The following BCAM variants were observed in gnomAD, a reference collection of about 807,000 sequenced individuals.
BCAM encodes the protein basal cell adhesion molecule.
A neutral mutation model predicts 72.4 loss-of-function variants in BCAM; 61 were observed. The ratio of observed to expected loss-of-function variants is 0.84; its 90% CI spans 0.69 to 1.04. BCAM has a LOEUF of 1.04. Ranked by LOEUF, BCAM falls within the 50% of genes least tolerant of loss-of-function variation. The pLI, the probability that BCAM is intolerant of heterozygous loss-of-function variation, is 0.00. For synonymous variants in BCAM, 408 were observed against 384.2 expected (o/e 1.06, Z -0.73); for missense variants, 909 against 895.0 (o/e 1.02, Z -0.20).
Position 44,819,158 on chromosome 19 carries a change from A to C in BCAM, c.1439A>C (p.Asp480Ala), listed in dbSNP as rs1599889348. The change falls in exon 11 of 15, where the codon GAC (aspartate) becomes GCC (alanine). Residue 480 changes from aspartate to alanine, a missense_variant. Physicochemically the swap from Asp to Ala is moderately radical, Grantham distance 126. Transcript: ENST00000270233. ...ATCTGCTCTGCCCGCGGCCATCCAG[A>C]CCCCAAACTCAGCTGGAGCCAATTG... ...TLICSARGHP[D>A]PKLSWSQLGG... 6.2e-7 allele frequency: 1 copy of C among 1,613,894 alleles called. No homozygotes were observed.
chr19:44,809,148 C>A lies in BCAM; in HGVS notation c.24C>A (p.Ala8=), dbSNP rs908602690. MEPPDAP[A]QARGAPRLLL... Reference sequence around the variant, plus strand: ...ACATGGAGCCCCCGGACGCACCGGCCCAGGCGCGCGGGGCCCCGCGGCTGC... The same window carrying A: ...ACATGGAGCCCCCGGACGCACCGGCACAGGCGCGCGGGGCCCCGCGGCTGC... Residue 8 remains alanine (A), a synonymous_variant, in exon 1 of 15, where the codon GCC becomes GCA. Coordinates refer to ENST00000270233, the MANE Select transcript of BCAM (RefSeq NM_005581.5). The A allele has an allele frequency of 2.0e-6, 3 of 1,472,878 alleles. No individual in the cohort carries two copies. The African/African-American group carries it at 4.4e-5, about 22-fold the overall frequency. 91.2% of individuals were successfully genotyped at this position (1,472,878 alleles called of 1,614,324 possible).
In BCAM at chr19:44,818,868, C is replaced by T. The variant is rs770828608; in HGVS notation, c.1322C>T (p.Thr441Met). The change falls in exon 10 of 15, where the codon ACG (threonine) becomes ATG (methionine). Residue 441 changes from threonine (T) to methionine (M), a missense_variant. Physicochemically the swap from Thr to Met is moderately conservative, Grantham distance 81 (BLOSUM62 -1). Coordinates refer to ENST00000270233, the MANE Select transcript of BCAM (RefSeq NM_005581.5). The surrounding 1 kb of genome is among the most constrained non-coding windows in gnomAD (Gnocchi z 4.6). ...GTCCTCAGCCGCACCCAGAACTTCA[C>T]GCTGCTGGTCCAAGGTTCAGGGGGC... ...VPVLSRTQNF[T>M]LLVQGSPELK... 10 of 1,613,996 alleles carry T rather than the reference C, an allele frequency of 6.2e-6. No homozygotes were observed. The East Asian group carries it at 6.7e-5, about 11-fold the overall frequency.
At position 44,813,612 on chromosome 19, in the gene BCAM, C is replaced by T. The variant is rs1382663437; in HGVS notation, c.776C>T (p.Thr259Ile). The change falls in exon 6 of 15, where the codon ACC (threonine) becomes ATC (isoleucine). Residue 259 changes from threonine (T) to isoleucine (I), a missense_variant. Transcript: ENST00000270233. This position sits in a 1 kb window ranked among gnomAD's most constrained non-coding sequence, Gnocchi z 4.2. ...CTGGACAGCCCCACCTTCCACCTCA[C>T]CCTGCACTGTGAGTCTGTGCTGGCC... The part of the protein sequence containing the change: ...GRLDSPTFHL[T>I]LHYPTEHVQF... 1 of 1,611,998 alleles carries T rather than the reference C, an allele frequency of 6.2e-7. No individual in the cohort carries two copies.
chr19:44,821,072 G>T lies in BCAM; in HGVS notation c.*151G>T. ...TTCCTTCCTCTGCCGGCAAGGCAGG[G>T]ACCCACAGTGGCTGCCTGCCTCCGG... On this transcript the variant is annotated 3_prime_UTR_variant, in exon 15 of 15. Coordinates refer to ENST00000270233, the MANE Select transcript of BCAM (RefSeq NM_005581.5). 2 of 1,006,684 alleles carry T rather than the reference G, an allele frequency of 2.0e-6. No homozygotes were observed. The highest frequency in any genetic ancestry group is 1.3e-6 in the Non-Finnish European group (1 of 769,118). The allele number at this position is 1,006,684 out of a possible 1,614,324, so 62.4% of individuals were successfully genotyped here. A position where few individuals can be genotyped will look rare whatever the true frequency, so the allele number is the denominator to read the frequency against.
intron 14 of BCAM, 40 bp downstream of exon 14, chr19:44,820,862 T>C: frequency 1.3e-6 from 2 of 1,541,542 alleles, no homozygotes; most frequent in Non-Finnish European, 1.7e-6. Context: ...AGGGACCTGC[T>C]GGGCAGTGGA....
Position 44,818,847 on chromosome 19 carries a change from T to C in BCAM, c.1301T>C (p.Leu434Pro), listed in dbSNP as rs1472682112. 1 of 1,614,110 alleles carries C rather than the reference T, an allele frequency of 6.2e-7. No homozygotes were observed. ...GCCTCCCTGCCCACAGTCCCGGTCC[T>C]CAGCCGCACCCAGAACTTCACGCTG... The part of the protein sequence containing the change: ...CEASLPTVPV[L>P]SRTQNFTLLV... The change falls in exon 10 of 15, where the codon CTC becomes CCC. Residue 434 changes from leucine (L) to proline (P), a missense_variant. Coordinates refer to ENST00000270233, the MANE Select transcript of BCAM (RefSeq NM_005581.5). This position sits in a 1 kb window ranked among gnomAD's most constrained non-coding sequence, Gnocchi z 4.6.
rs1442572868 is a variant in BCAM at position 44,814,592 on chromosome 19, C to G, written c.922-12C>G. 3 of 1,609,780 alleles carry G rather than the reference C, an allele frequency of 1.9e-6. No individual in the cohort carries two copies. Among genetic ancestry groups the G allele is most frequent in the East Asian group, 2.2e-5 (1 of 44,792 alleles). ...GGCTTCTGAGCCTGGTTCCTCGTCC[C>G]CCGTCTCCCAGGATGAGCAGGAGGA... On this transcript the variant is annotated splice_polypyrimidine_tract_variant and intron_variant, in intron 7 of 14. Transcript: ENST00000270233. The surrounding 1 kb of genome is among the most constrained non-coding windows in gnomAD (Gnocchi z 4.6).
chr19:44,819,520 C>A, intron 12 of BCAM, 30 bp downstream of exon 12: 1 of 1,613,614 alleles, frequency 6.2e-7, no homozygotes, highest in African/African-American at 1.3e-5. Flanking sequence ...GCAGAGGAGC[C>A]GGGTGTGGGG....
At chr19:44,815,524 A>T (rs1245027368) in intron 8 of BCAM, among the ~76,000 whole-genome samples, 2 of 152,188 alleles carry the variant, frequency 1.3e-5, no homozygotes, top group Non-Finnish European at 2.9e-5. Flanking sequence ...ATCACCAGTG[A>T]GAGAGAGCAG....
In BCAM at chr19:44,821,020, T is replaced by C; in HGVS notation, c.*99T>C. 2 of 1,366,410 alleles carry C rather than the reference T, an allele frequency of 1.5e-6. No individual in the cohort carries two copies. Among genetic ancestry groups the C allele is most frequent in the East Asian group, 3.0e-5 (1 of 33,444 alleles). 84.6% of individuals were successfully genotyped at this position (1,366,410 alleles called of 1,614,324 possible). A position where few individuals can be genotyped will look rare whatever the true frequency, so the allele number is the denominator to read the frequency against. On this transcript the variant is annotated 3_prime_UTR_variant, in exon 15 of 15. Transcript: ENST00000270233. ...GCCCGCCCCCGCCTTCCCTCTTCCC[T>C]CTTCCCTCTCCCTGCCCAGCCCTCC...
chr19:44,813,568 C>T lies in BCAM; in HGVS notation c.732C>T (p.Pro244=), dbSNP rs139275212. The T allele has an allele frequency of 3.5e-5, 56 of 1,612,644 alleles. No homozygotes were observed. The highest frequency in any genetic ancestry group is 4.2e-5 in the Non-Finnish European group (49 of 1,179,918). The change falls in exon 6 of 15, where the codon CCC becomes CCT. Residue 244 remains proline, a synonymous_variant. Transcript: ENST00000270233. This position sits in a 1 kb window ranked among gnomAD's most constrained non-coding sequence, Gnocchi z 4.2. ...SFHCAAHYSL[P]EGRHGRLDSP... ...ACTGCGCCGCCCACTACAGCCTGCCCGAGGGCCGCCACGGCCGCCTGGACA... is the reference window on the plus strand; with the variant it reads ...ACTGCGCCGCCCACTACAGCCTGCCTGAGGGCCGCCACGGCCGCCTGGACA...
At position 44,814,570 on chromosome 19, in the gene BCAM, T is replaced by A; in HGVS notation, c.922-34T>A. 6.2e-7 allele frequency: 1 copy of A among 1,602,814 alleles called. No homozygotes were observed. The highest frequency in any genetic ancestry group is 1.1e-5 in the South Asian group (1 of 90,092). ...CATGAGCCCGCTGAACCGGGGTGGC[T>A]TCTGAGCCTGGTTCCTCGTCCCCCG... On this transcript the variant is annotated intron_variant, in intron 7 of 14. Transcript: ENST00000270233. This position sits in a 1 kb window ranked among gnomAD's most constrained non-coding sequence, Gnocchi z 4.6.
rs1179114269 is a variant in BCAM, at chr19:44,809,112, C to A, written c.-13C>A. 2.7e-5 allele frequency: 38 copies of A among 1,430,582 alleles called. No individual in the cohort carries two copies. Among genetic ancestry groups the A allele is most frequent in the Non-Finnish European group, 3.5e-5 (38 of 1,093,314 alleles). The allele number at this position is 1,430,582 out of a possible 1,614,324, so 88.6% of individuals were successfully genotyped here. A position where few individuals can be genotyped will look rare whatever the true frequency, so the allele number is the denominator to read the frequency against. ...GCTGCAGCCCGGGCTCAGTCTCCGC[C>A]GCCGCCGTGAACATGGAGCCCCCGG... is the stretch of plus-strand genomic sequence containing the variant. On this transcript the variant is annotated 5_prime_UTR_variant, in exon 1 of 15. Coordinates refer to ENST00000270233, the MANE Select transcript of BCAM (RefSeq NM_005581.5).
intron 13 of BCAM, 111 bp from the exon 14 acceptor site, chr19:44,820,594 T>A: frequency 1.6e-4 from 179 of 1,118,088 alleles, no homozygotes; most frequent in Middle Eastern, 7.6e-4. Context: ...ACCCCCATCC[T>A]CACCTCCATC....
Position 44,820,909 on chromosome 19 carries a change from TC to T in BCAM, c.1882-3del. On this transcript the variant is annotated splice_region_variant and splice_polypyrimidine_tract_variant and intron_variant, in intron 14 of 14. Coordinates refer to ENST00000270233, the MANE Select transcript of BCAM (RefSeq NM_005581.5). ...GGCACAGGCTGACCTCTCCATCCGC[TC>T]CCCAGTGCTGAGCCAAGAACCTCCT... The T allele has an allele frequency of 1.3e-6, 2 of 1,560,222 alleles. No individual in the cohort carries two copies. Among genetic ancestry groups the T allele is most frequent in the South Asian group, 1.2e-5 (1 of 84,324 alleles).
intron 13 of BCAM, chr19:44,819,991 A>G (rs1333117787): frequency 2.3e-6 from 3 of 1,311,012 alleles, no homozygotes; most frequent in Non-Finnish European, 2.9e-6. Flanking sequence ...CCCCAAGCCA[A>G]ACTCAACACC....
Position 44,811,310 on chromosome 19 carries a change from G to A in BCAM, c.168G>A (p.Thr56=). 13 of 1,613,628 alleles carry A rather than the reference G, an allele frequency of 8.1e-6. No homozygotes were observed. Among genetic ancestry groups the A allele is most frequent in the Non-Finnish European group, 9.3e-6 (11 of 1,179,862 alleles). ...GKSVILDCTP[T]GTHDHYMLEW... is the part of the protein sequence containing the mutation. ...CTGTCATTCTGGACTGCACCCCTACGGGAACCCACGACCATTATATGCTGG... is the reference window on the plus strand; with the variant it reads ...CTGTCATTCTGGACTGCACCCCTACAGGAACCCACGACCATTATATGCTGG... The change falls in exon 2 of 15, where the codon ACG becomes ACA. Residue 56 remains threonine (T), a synonymous_variant. Transcript: ENST00000270233.
Position 44,814,834 on chromosome 19 carries a change from C to G in BCAM, c.1078+74C>G, listed in dbSNP as rs1328206438. The stretch of plus-strand genomic sequence containing the variant: ...GCCTCTGCGCCCTCCTCCCTACAGC[C>G]CTGAAGTTGCTCTGTCATCCCAAAC... On this transcript the variant is annotated intron_variant, in intron 8 of 14. Coordinates refer to ENST00000270233, the MANE Select transcript of BCAM (RefSeq NM_005581.5). The surrounding 1 kb of genome is among the most constrained non-coding windows in gnomAD (Gnocchi z 4.6). 1 of 1,452,704 alleles carries G rather than the reference C, an allele frequency of 6.9e-7. No individual in the cohort carries two copies. The highest frequency in any genetic ancestry group is 1.4e-5 in the African/African-American group (1 of 71,186). 90.0% of individuals were successfully genotyped at this position (1,452,704 alleles called of 1,614,324 possible).
At chr19:44,820,866 C>A in intron 14 of BCAM, 44 bp downstream of exon 14, 1 of 1,545,606 alleles carries the variant, frequency 6.5e-7, no homozygotes, top group Admixed American at 2.0e-5. Flanking sequence ...ACCTGCTGGG[C>A]AGTGGAGCAC....
Sources: gnomAD v4.1 joint callset for allele counts (sites outside exome capture counted in the v4.1 genomes callset) on GRCh38, gnomAD v4.1.1 for gene constraint, Gnocchi (gnomAD v3.1) non-coding constraint, MANE v1.5 for transcripts, NCBI Gene and HGNC (gene_info 2026-07-23, HGNC 2026-07-21) for gene names.